PKD1: variants seen among roughly 807,000 people sequenced by gnomAD.
The protein encoded by PKD1 is polycystin-1.
A neutral mutation model predicts 361.7 loss-of-function variants in PKD1; 81 were observed. The observed-to-expected ratio is 0.22, with a 90% CI of 0.19 to 0.27. The LOEUF is 0.27. Ranked by LOEUF, PKD1 falls within the 10% of genes least tolerant of loss-of-function variation. The probability of loss-of-function intolerance (pLI) is 1.00; values close to 1 mark genes in which losing one functional copy is unlikely to be tolerated. For missense variants in PKD1, 6,399 were observed against 6,118.3 expected, an observed-to-expected ratio of 1.05 and a Z score of -1.53; for synonymous variants, 3,615 against 2,818.3, an observed-to-expected ratio of 1.28 and a Z score of -8.95.
intron 11 of PKD1, among the ~76,000 whole-genome samples, chr16:2,113,580 G>C (rs941749042): frequency 6.6e-6 from 1 of 152,204 alleles, no homozygotes; most frequent in Admixed American, 6.5e-5. Context: ...CTCTCTCTGA[G>C]TCTTCTCAGA....
rs574364022 is a variant in PKD1, at chr16:2,099,022, G to A, written c.10050+622C>T. ...AGTTTTTGTATTTGTAGTAGAGTCG[G>A]GGTTTCATTGTGTTGGCCAGGCTGG... On this transcript the variant is annotated intron_variant, in intron 30 of 45. Coordinates refer to ENST00000262304, the MANE Select transcript of PKD1 (RefSeq NM_001009944.3). 1.2e-3 allele frequency: 206 copies of A among 175,466 alleles called. 1 individual carries two copies. Among genetic ancestry groups the A allele is most frequent in the Non-Finnish European group, 1.9e-3 (154 of 81,588 alleles). 10.9% of individuals were successfully genotyped at this position (175,466 alleles called of 1,614,324 possible). A position where few individuals can be genotyped will look rare whatever the true frequency, so the allele number is the denominator to read the frequency against.
chr16:2,106,496 C>A lies in PKD1; in HGVS notation c.7391G>T (p.Arg2464Leu), dbSNP rs4018147. Residue 2464 changes from arginine to leucine, a missense_variant, in exon 18 of 46, where the codon CGC (arginine) becomes CTC (leucine). Physicochemically the swap from Arg to Leu is moderately radical, Grantham distance 102. Transcript: ENST00000262304. The surrounding 1 kb of genome is among the most constrained non-coding windows in gnomAD (Gnocchi z 6.5). ...CAGCGGCGGGCGGTTGGGGGACAGG[C>A]GGATGGAGGCGCAGCCCTCCTCCTC... ...SGEEEGCASIRLSPNRPPLGG... is the reference protein window; with the variant it reads ...SGEEEGCASILLSPNRPPLGG... 4 of 1,594,162 alleles carry A rather than the reference C, an allele frequency of 2.5e-6. No individual in the cohort carries two copies. Among genetic ancestry groups the A allele is most frequent in the East Asian group, 2.2e-5 (1 of 44,700 alleles).
chr16:2,112,975 G>A lies in PKD1; in HGVS notation c.2986-12C>T. ...TTGGAGGCCGTCAGCTGCAGGGACAGGCGTCAGTGAGCCCAGGTGGCAGGT... is the reference window on the plus strand; with the variant it reads ...TTGGAGGCCGTCAGCTGCAGGGACAAGCGTCAGTGAGCCCAGGTGGCAGGT... On this transcript the variant is annotated splice_polypyrimidine_tract_variant and intron_variant, in intron 12 of 45. Coordinates refer to ENST00000262304, the MANE Select transcript of PKD1 (RefSeq NM_001009944.3). The A allele has an allele frequency of 7.5e-6, 12 of 1,596,872 alleles. No homozygotes were observed. The highest frequency in any genetic ancestry group is 1.0e-5 in the Non-Finnish European group (12 of 1,178,832).
rs774953031 is a variant in PKD1 at position 2,115,449 on chromosome 16, G to C, written c.2026C>G (p.Pro676Ala). 2 of 1,598,890 alleles carry C rather than the reference G, an allele frequency of 1.3e-6. No individual in the cohort carries two copies. The highest frequency in any genetic ancestry group is 2.2e-5 in the South Asian group (2 of 89,072). The change falls in exon 10 of 46, where the codon CCC becomes GCC. Residue 676 changes from proline to alanine, a missense_variant. By Grantham distance (27) the Pro-to-Ala change is conservative (BLOSUM62 -1). Coordinates refer to ENST00000262304, the MANE Select transcript of PKD1 (RefSeq NM_001009944.3). ...ANGCTSGPGL[P>A]GAPYALWREF... ...CTCCATAGCGCATAGGGGGCCCCGG[G>C]TAGCCCTGGCCCTGACGTGCAGCCA... is the stretch of plus-strand genomic sequence containing the variant.
Position 2,103,280 on chromosome 16 carries a change from T to C in PKD1, c.8777A>G (p.Tyr2926Cys), listed in dbSNP as rs1229120097. 1 of 1,609,542 alleles carries C rather than the reference T, an allele frequency of 6.2e-7. No homozygotes were observed. Among genetic ancestry groups the C allele is most frequent in the South Asian group, 1.1e-5 (1 of 90,972 alleles). ...GCTGCACGCACCGTCCAGCAGCGTA[T>C]AGTTGAGCTGCAGATGCAGCCCGGC... ...PAAGLHLQLN[Y>C]TLLDGHYLSE... The change falls in exon 23 of 46, where the codon TAT becomes TGT. Residue 2926 changes from tyrosine (Y) to cysteine (C), a missense_variant. By Grantham distance (194) the Tyr-to-Cys change is radical. Coordinates refer to ENST00000262304, the MANE Select transcript of PKD1 (RefSeq NM_001009944.3).
Position 2,090,509 on chromosome 16 carries a change from G to C in PKD1, c.12220C>G (p.Leu4074Val). The stretch of plus-strand genomic sequence containing the variant: ...AGGTGCCAGGACTCGGCAGGACACA[G>C]GGTAGAGAGCCCAGTCCCAGGGCAC... ...VLCPGTGLST[L>V]CPAESWHLSP... The change falls in exon 45 of 46, where the codon CTG (leucine) becomes GTG (valine). Residue 4074 changes from leucine to valine, a missense_variant. Coordinates refer to ENST00000262304, the MANE Select transcript of PKD1 (RefSeq NM_001009944.3). The C allele has an allele frequency of 6.2e-7, 1 of 1,611,252 alleles. No homozygotes were observed. The highest frequency in any genetic ancestry group is 8.5e-7 in the Non-Finnish European group (1 of 1,179,500).
At chr16:2,092,266 CCTGAGCT>C in intron 39 of PKD1, 78 bp from the exon 40 acceptor site, 1 of 1,484,136 alleles carries the variant, frequency 6.7e-7, no homozygotes, top group Non-Finnish European at 9.1e-7. Context: ...GGCCAGCTCG[CCTGAGCT>C]CTGGTTCGGC....
chr16:2,113,757 C>A, intron 11 of PKD1: 2 of 370,426 alleles, frequency 5.4e-6, no homozygotes, highest in Non-Finnish European at 1.0e-5. Context: ...AAGATGGAGA[C>A]AGCCCTGTCC....
intron 1 of PKD1, among the ~76,000 whole-genome samples, chr16:2,124,987 G>T (rs973171010): frequency 6.6e-6 from 1 of 152,168 alleles, no homozygotes; most frequent in Non-Finnish European, 1.5e-5. Context: ...GCAGGCCCAG[G>T]GTGAGGAAAT....
In PKD1 at chr16:2,099,845, C is replaced by A. The variant is rs756985437; in HGVS notation, c.9923+16G>T. ...GCTGGGCAGGAAGAGGCTGCCCCGA[C>A]CCCTACGGCACCCACCTGTAGGCAG... On this transcript the variant is annotated intron_variant, in intron 29 of 45. Coordinates refer to ENST00000262304, the MANE Select transcript of PKD1 (RefSeq NM_001009944.3). The A allele has an allele frequency of 3.8e-6, 6 of 1,562,536 alleles. No homozygotes were observed. The highest frequency in any genetic ancestry group is 4.3e-6 in the Non-Finnish European group (5 of 1,154,674).
rs757102075 is a variant in PKD1 at position 2,093,698 on chromosome 16, C to T, written c.10862G>A (p.Arg3621Gln). The change falls in exon 37 of 46, where the codon CGG (arginine) becomes CAG (glutamine). Residue 3621 changes from arginine (R) to glutamine (Q), a missense_variant. Coordinates refer to ENST00000262304, the MANE Select transcript of PKD1 (RefSeq NM_001009944.3). ...GGTGTCATCTTCATCCGGGTGCAGC[C>T]GCTTGGCCACCAGTGAGAAGTACAG... ...EALYFSLVAK[R>Q]LHPDEDDTLV... 11 of 1,599,162 alleles carry T rather than the reference C, an allele frequency of 6.9e-6. No homozygotes were observed. Among genetic ancestry groups the T allele is most frequent in the East Asian group, 2.3e-5 (1 of 44,370 alleles).
rs1294866425 is a variant in PKD1, at chr16:2,111,243, C to A, written c.3924G>T (p.Gln1308His). ...RVEPAACIPT[Q>H]PDARLTAYVT... is the part of the protein sequence containing the mutation. Reference sequence around the variant, plus strand: ...CGTAGGCCGTGAGCCGCGCGTCAGGCTGCGTGGGGATGCAGGCGGCGGGTT... The same window carrying A: ...CGTAGGCCGTGAGCCGCGCGTCAGGATGCGTGGGGATGCAGGCGGCGGGTT... The change falls in exon 15 of 46, where the codon CAG becomes CAT. Residue 1308 changes from glutamine to histidine, a missense_variant. Coordinates refer to ENST00000262304, the MANE Select transcript of PKD1 (RefSeq NM_001009944.3). 1 of 1,610,770 alleles carries A rather than the reference C, an allele frequency of 6.2e-7. No homozygotes were observed. The highest frequency in any genetic ancestry group is 8.5e-7 in the Non-Finnish European group (1 of 1,179,626).
chr16:2,106,174 G>A lies in PKD1; in HGVS notation c.7620C>T (p.Pro2540=), dbSNP rs767788220. ...GSLSSYGAVL[P]PGFRPHFEVG... ...CCTCGAAGTGTGGCCTGAAACCCGG[G>A]GGCAGCACGGCTCCGTAGCTGGAGA... is the stretch of plus-strand genomic sequence containing the variant. Residue 2540 remains proline (P), a synonymous_variant, in exon 19 of 46, where the codon CCC becomes CCT. Coordinates refer to ENST00000262304, the MANE Select transcript of PKD1 (RefSeq NM_001009944.3). The surrounding 1 kb of genome is among the most constrained non-coding windows in gnomAD (Gnocchi z 6.5). 5 of 1,609,546 alleles carry A rather than the reference G, an allele frequency of 3.1e-6. No homozygotes were observed. Among genetic ancestry groups the A allele is most frequent in the East Asian group, 2.2e-5 (1 of 44,842 alleles).
Position 2,091,000 on chromosome 16 carries a change from A to G in PKD1, c.11887T>C (p.Trp3963Arg). 6.5e-7 allele frequency: 1 copy of G among 1,534,726 alleles called. No individual in the cohort carries two copies. The highest frequency in any genetic ancestry group is 8.7e-7 in the Non-Finnish European group (1 of 1,146,178). The part of the protein sequence containing the change: ...LAQLGAADRQ[W>R]TRFVRGRPRR... ...GGGCGGCCGCGCACGAAACGGGTCC[A>G]CTGGCGGTCAGCGGCACCCAGCTGG... The change falls in exon 43 of 46, where the codon TGG becomes CGG. Residue 3963 changes from tryptophan (W) to arginine (R), a missense_variant. Transcript: ENST00000262304.
rs775671532 is a variant in PKD1, at chr16:2,090,525, C to T, written c.12204G>A (p.Gly4068=). The T allele has an allele frequency of 1.9e-6, 3 of 1,610,520 alleles. No homozygotes were observed. The highest frequency in any genetic ancestry group is 3.3e-5 in the Admixed American group (2 of 59,844). ...CAGGACACAGGGTAGAGAGCCCAGT[C>T]CCAGGGCACAGCACCAACAGGGCCT... is the stretch of plus-strand genomic sequence containing the variant. ...VAQALLVLCP[G]TGLSTLCPAE... The change falls in exon 45 of 46, where the codon GGG becomes GGA. Residue 4068 remains glycine, a synonymous_variant. Coordinates refer to ENST00000262304, the MANE Select transcript of PKD1 (RefSeq NM_001009944.3).
chr16:2,096,395 G>A (rs1028675008), intron 34 of PKD1, among the ~76,000 whole-genome samples: 19 of 152,282 alleles, frequency 1.2e-4, no homozygotes, highest in African/African-American at 4.3e-4. Flanking sequence ...ACACGCGTGG[G>A]AACACGCCGT....
At chr16:2,108,197 G>C in intron 15 of PKD1, 55 bp downstream of exon 15, 2 of 1,531,896 alleles carry the variant, frequency 1.3e-6, no homozygotes, top group Middle Eastern at 4.8e-4. Context: ...TGTTCTCTGG[G>C]CTCATGGGTG....
chr16:2,099,252 A>G (rs2091984748), intron 30 of PKD1: 1 of 356,058 alleles, frequency 2.8e-6, no homozygotes, highest in Non-Finnish European at 5.5e-6. Context: ...GTGAGCCACC[A>G]CACCCGGCCC....
intron 21 of PKD1, among the ~76,000 whole-genome samples, 184 bp downstream of exon 21, chr16:2,105,138 G>A (rs1043425143): frequency 1.3e-5 from 2 of 150,080 alleles, no homozygotes; most frequent in African/African-American, 2.5e-5. Flanking sequence ...GAGGCACCCT[G>A]CGTTCACACA....
Sources: gnomAD v4.1 joint callset for allele counts (sites outside exome capture counted in the v4.1 genomes callset) on GRCh38, gnomAD v4.1.1 for gene constraint, Gnocchi (gnomAD v3.1) non-coding constraint, MANE v1.5 for transcripts, NCBI Gene and HGNC (gene_info 2026-07-23, HGNC 2026-07-21) for gene names.